The following PGAP2 variants were observed in gnomAD, a reference collection of about 807,000 sequenced individuals.
The protein encoded by PGAP2 is post-GPI attachment to proteins 2, also known as acyltransferase PGAP2.
In PGAP2, 21 loss-of-function variants were observed where a neutral mutation model predicts 33.2. The ratio of observed to expected loss-of-function variants is 0.63; its 90% CI spans 0.45 to 0.91. The LOEUF (loss-of-function observed/expected upper bound fraction) is 0.91, where lower values mean the gene tolerates loss of function less well. Among genes scored for constraint, PGAP2 ranks in the 40% least tolerant of loss-of-function variants. The pLI, the probability that PGAP2 is intolerant of heterozygous loss-of-function variation, is 0.00. For missense variants in PGAP2, 345 were observed against 424.0 expected (o/e 0.81, Z 1.64); for synonymous variants, 161 against 172.9 (o/e 0.93, Z 0.54).
At chr11:3,801,991 C>T (rs1365855380) in intron 1 of PGAP2, among the ~76,000 whole-genome samples, 1 of 151,446 alleles carries the variant, frequency 6.6e-6, no homozygotes, top group African/African-American at 2.4e-5. Flanking sequence ...TGTTGAGTTC[C>T]CATTCTAAAT....
intron 1 of PGAP2, among the ~76,000 whole-genome samples, chr11:3,801,528 G>C (rs2083446716): frequency 6.6e-6 from 1 of 150,620 alleles, no homozygotes; most frequent in Non-Finnish European, 1.5e-5. Context: ...TGTAGTCCCA[G>C]CTATTCGGGA....
chr11:3,803,628 A>C (rs953163047), upstream of PGAP2, among the ~76,000 whole-genome samples: 19 of 150,980 alleles, frequency 1.3e-4, no homozygotes, highest in Non-Finnish European at 1.9e-4. Flanking sequence ...AGGTTTCACC[A>C]TGTGGGCCAG....
At chr11:3,815,694 A>G (rs937591441) in intron 2 of PGAP2, among the ~76,000 whole-genome samples, 2 of 152,218 alleles carry the variant, frequency 1.3e-5, no homozygotes, top group East Asian at 3.8e-4. Context: ...TGGGCAGTAC[A>G]GGCAAAAGCA....
At chr11:3,799,669 G>A (rs928974249) in intron 1 of PGAP2, among the ~76,000 whole-genome samples, 4 of 151,966 alleles carry the variant, frequency 2.6e-5, no homozygotes, top group Non-Finnish European at 4.4e-5. Context: ...TGATTTATTT[G>A]TTTGTTTAAA....
Position 3,797,897 on chromosome 11 carries a change from TAG to T in PGAP2, c.58_59del (p.Asp20LeufsTer28), listed in dbSNP as rs1388897547. 3.2e-6 allele frequency: 5 copies of T among 1,548,760 alleles called. No individual in the cohort carries two copies. The African/African-American group carries it at 5.5e-5, about 17-fold the overall frequency. On this transcript the variant is annotated frameshift_variant, in exon 1 of 7. Transcript: ENST00000300730. LOFTEE classifies it high-confidence loss of function. ...TGTCGGGAAGGGTGGTGACGCAACATAGAGACTCCGCCCCCTTCCTTGGAGCG... is the reference window on the plus strand; with the variant it reads ...TGTCGGGAAGGGTGGTGACGCAACATAGACTCCGCCCCCTTCCTTGGAGCG...
At chr11:3,800,490 T>C (rs1165747448) in intron 1 of PGAP2, among the ~76,000 whole-genome samples, 2 of 152,184 alleles carry the variant, frequency 1.3e-5, no homozygotes, top group Non-Finnish European at 2.9e-5. Context: ...ATTTATTTAT[T>C]AATTTAATTT....
At chr11:3,798,508 ATAG>A (rs1347309297) in intron 1 of PGAP2, among the ~76,000 whole-genome samples, 1 of 150,440 alleles carries the variant, frequency 6.6e-6, no homozygotes, top group African/African-American at 2.5e-5. Context: ...TTTTGTATTT[ATAG>A]TAGAGACGGG....
upstream of PGAP2, among the ~76,000 whole-genome samples, chr11:3,807,053 A>C (rs1430686973): frequency 2.7e-5 from 4 of 149,748 alleles, no homozygotes; most frequent in Non-Finnish European, 4.4e-5. Flanking sequence ...GAAAAAAAAA[A>C]GGCCAGGCGC....
At position 3,797,997 on chromosome 11, in the gene PGAP2, C is replaced by T. The variant is rs1564957971; in HGVS notation, c.139+15C>T. ...AGAATGGCATGGTAACTATTCGACC[C>T]TTTCCTTGCCCCGGTCCGCCGGCGC... On this transcript the variant is annotated intron_variant, in intron 1 of 6. Coordinates refer to the PGAP2 transcript ENST00000300730. 8.4e-6 allele frequency: 13 copies of T among 1,538,782 alleles called. No individual in the cohort carries two copies. The East Asian group carries it at 3.3e-4, about 39-fold the overall frequency.
chr11:3,818,075 A>AAG (rs3986424), intron 3 of PGAP2: 1 of 304,402 alleles, frequency 3.3e-6, no homozygotes, highest in Admixed American at 4.7e-5. Context: ...AAAAAAAAAA[A>AAG]CAGCAGGCTG....
chr11:3,808,290 A>G (rs2084811451), upstream of PGAP2: 9 of 1,551,514 alleles, frequency 5.8e-6, no homozygotes, highest in Non-Finnish European at 7.8e-6. Context: ...TGTTCTTTCA[A>G]CAGGTAGATG....
Position 3,797,924 on chromosome 11 carries a change from G to A in PGAP2, c.81G>A (p.Ala27=), listed in dbSNP as rs1564957321. The A allele has an allele frequency of 2.6e-6, 4 of 1,547,782 alleles. No individual in the cohort carries two copies. In the South Asian group the frequency reaches 3.6e-5, roughly 14 times the overall value. Residue 27 remains alanine (A), a synonymous_variant, in exon 1 of 7, where the codon GCG becomes GCA. Coordinates refer to the PGAP2 transcript ENST00000300730. ...GAGACTCCGCCCCCTTCCTTGGAGC[G>A]CCGCGACTCGGGCTGAGGGAGCTCG...
chr11:3,811,311 C>T lies in PGAP2; in HGVS notation c.52C>T (p.Arg18Cys), dbSNP rs200164387. The T allele has an allele frequency of 1.3e-4, 211 of 1,614,068 alleles. No individual in the cohort carries two copies. In the East Asian group the frequency reaches 1.8e-3, roughly 14 times the overall value. Residue 18 changes from arginine to cysteine, a missense_variant, in exon 2 of 7, where the codon CGC (arginine) becomes TGC (cysteine). Transcript: ENST00000278243. The surrounding 1 kb of genome is among the most constrained non-coding windows in gnomAD (Gnocchi z 4.6). The part of the protein sequence containing the change: ...LDRDGTLVRL[R>C]FTMVALVTVC... ...TCGGGATGGGACCCTGGTACGGCTCCGCTTCACCATGGTGGCCCTGGTCAC... is the reference window on the plus strand; with the variant it reads ...TCGGGATGGGACCCTGGTACGGCTCTGCTTCACCATGGTGGCCCTGGTCAC...
chr11:3,807,597 C>G (rs531707385), upstream of PGAP2, among the ~76,000 whole-genome samples: 3 of 152,092 alleles, frequency 2.0e-5, no homozygotes, highest in South Asian at 6.2e-4. Flanking sequence ...CGTGAGCTAC[C>G]GCGCCTGGCC....
chr11:3,823,180 C>T (rs1478516989), intron 3 of PGAP2, among the ~76,000 whole-genome samples: 2 of 151,430 alleles, frequency 1.3e-5, no homozygotes, highest in Admixed American at 6.6e-5. Flanking sequence ...GGACTACGGG[C>T]GCTGGCCACC....
intron 5 of PGAP2, 76 bp from the exon 6 acceptor site, chr11:3,824,943 AG>A: frequency 1.3e-6 from 2 of 1,597,258 alleles, no homozygotes; most frequent in Non-Finnish European, 1.7e-6. Flanking sequence ...CCCAGCCCTT[AG>A]GAGTTAGGGC....
At chr11:3,797,915 C>T (rs760098298) in exon 1 of PGAP2, 3 of 1,548,176 alleles carry the variant, frequency 1.9e-6, no homozygotes, top group South Asian at 2.4e-5. Context: ...CCGCCCCCTT[C>T]CTTGGAGCGC....
chr11:3,800,821 A>G (rs1176641613), intron 1 of PGAP2, among the ~76,000 whole-genome samples: 2 of 150,124 alleles, frequency 1.3e-5, no homozygotes, highest in African/African-American at 4.9e-5. Context: ...CAAAAAAAAA[A>G]AAAAAAAAAA....
At chr11:3,819,005 G>A (rs547956574) in intron 3 of PGAP2, among the ~76,000 whole-genome samples, 7 of 152,068 alleles carry the variant, frequency 4.6e-5, no homozygotes, top group Non-Finnish European at 8.8e-5. Context: ...CAAGAGCTTT[G>A]GAAAGATTTT....
Sources: gnomAD v4.1 joint callset for allele counts (sites outside exome capture counted in the v4.1 genomes callset) on GRCh38, gnomAD v4.1.1 for gene constraint, Gnocchi (gnomAD v3.1) non-coding constraint, MANE v1.5 for transcripts, NCBI Gene and HGNC (gene_info 2026-07-23, HGNC 2026-07-21) for gene names.